Variants in ADAMTS9 observed in about 807,000 individuals in gnomAD.
ADAMTS9 encodes the protein A disintegrin and metalloproteinase with thrombospondin motifs 9.
Under a neutral mutation model 257.1 loss-of-function variants are expected in ADAMTS9, and 107 were observed. That is an observed-to-expected ratio of 0.42 (90% CI 0.36 to 0.49). The LOEUF (loss-of-function observed/expected upper bound fraction) is 0.49, where lower values mean the gene tolerates loss of function less well. Among genes scored for constraint, ADAMTS9 ranks in the 20% least tolerant of loss-of-function variants. The pLI, the probability that ADAMTS9 is intolerant of heterozygous loss-of-function variation, is 0.03. For missense variants in ADAMTS9, 2,353 were observed against 2,469.1 expected, an observed-to-expected ratio of 0.95 and a Z score of 1.00; for synonymous variants, 982 against 880.9, an observed-to-expected ratio of 1.11 and a Z score of -2.03.
intron 3 of ADAMTS9, among the ~76,000 whole-genome samples, chr3:64,660,215 T>C (rs1701190773): frequency 6.6e-6 from 1 of 152,204 alleles, no homozygotes; most frequent in Admixed American, 6.5e-5. Flanking sequence ...TATGCTTACC[T>C]AACACATAAG....
chr3:64,522,276 T>C lies in ADAMTS9; in HGVS notation c.5719-16A>G, dbSNP rs763155068. On this transcript the variant is annotated splice_polypyrimidine_tract_variant and intron_variant, in intron 38 of 39. Coordinates refer to ENST00000498707, the MANE Select transcript of ADAMTS9 (RefSeq NM_182920.2). ...GGGTACCATCCTGCAAGGAGATGCA[T>C]CATGTTAGCCTGCCTGCTTGGTTAA... 27 of 1,612,162 alleles carry C rather than the reference T, an allele frequency of 1.7e-5. No homozygotes were observed. The highest frequency in any genetic ancestry group is 2.3e-5 in the Non-Finnish European group (27 of 1,178,438).
chr3:64,572,733 G>T (rs771518662), intron 28 of ADAMTS9, among the ~76,000 whole-genome samples: 9 of 152,124 alleles, frequency 5.9e-5, no homozygotes, highest in Non-Finnish European at 8.8e-5. Context: ...ATGTACACAG[G>T]ATCTGGCCAG....
chr3:64,539,294 G>A lies in ADAMTS9; in HGVS notation c.5522C>T (p.Thr1841Ile). ...TGTCCTTGCAAACTGTAAGTCAGTG[G>A]CTGTGGGGTGGAGAAGGGGTTAAAG... Reference protein sequence around the residue: ...RIDLTSMQIITTDLQFARTSE... With the variant: ...RIDLTSMQIIITDLQFARTSE... Residue 1841 changes from threonine (T) to isoleucine (I), a missense_variant and splice_region_variant, in exon 37 of 40, where the codon ACC becomes ATC. Physicochemically the swap from Thr to Ile is moderately conservative, Grantham distance 89. This residue lies in a region of ADAMTS9 where 1,402 missense variants were observed against 1,441.4 expected (regional missense o/e 0.97). Transcript: ENST00000498707. 1 of 1,613,748 alleles carries A rather than the reference G, an allele frequency of 6.2e-7. No homozygotes were observed. The highest frequency in any genetic ancestry group is 8.5e-7 in the Non-Finnish European group (1 of 1,179,700).
At chr3:64,623,488 A>G (rs1700156308) in intron 16 of ADAMTS9, among the ~76,000 whole-genome samples, 1 of 152,192 alleles carries the variant, frequency 6.6e-6, no homozygotes, top group South Asian at 2.1e-4. Context: ...CATCTTGACT[A>G]CAACCTCATG....
intron 2 of ADAMTS9, chr3:64,685,436 T>A (rs1701874890): frequency 6.6e-6 from 1 of 152,240 alleles, no homozygotes; most frequent in African/African-American, 2.4e-5. Context: ...ACGACCCCAT[T>A]GCGCTTACAG....
At chr3:64,638,824 C>G (rs576608794) in intron 12 of ADAMTS9, among the ~76,000 whole-genome samples, 21 of 152,046 alleles carry the variant, frequency 1.4e-4, no homozygotes, top group Middle Eastern at 6.8e-3. Flanking sequence ...ACTATAAAGT[C>G]TCTGGATGCT....
chr3:64,616,615 C>T (rs959237033), intron 19 of ADAMTS9, among the ~76,000 whole-genome samples: 1 of 152,108 alleles, frequency 6.6e-6, no homozygotes, highest in East Asian at 1.9e-4. Context: ...TGTATCCATA[C>T]TACCTGTAAT....
chr3:64,553,987 A>G (rs17071017), intron 30 of ADAMTS9, among the ~76,000 whole-genome samples: 3,493 of 152,300 alleles, frequency 0.023, 126 homozygotes, highest in African/African-American at 0.079. Flanking sequence ...TGATGTGTAG[A>G]TATATGCAAA....
chr3:64,547,086 T>C, intron 31 of ADAMTS9, 134 bp from the exon 32 acceptor site: 1 of 802,698 alleles, frequency 1.2e-6, no homozygotes, highest in Non-Finnish European at 1.9e-6. Context: ...AGCTTATTTA[T>C]TCATTTCAAG....
intron 16 of ADAMTS9, 76 bp downstream of exon 16, chr3:64,631,379 A>C: frequency 4.2e-6 from 5 of 1,179,136 alleles, no homozygotes; most frequent in South Asian, 1.3e-5. Flanking sequence ...TCTGCATGCC[A>C]GAGAAGGAAG....
chr3:64,654,198 C>T (rs1350953486), intron 8 of ADAMTS9, among the ~76,000 whole-genome samples, 155 bp downstream of exon 8: 1 of 152,224 alleles, frequency 6.6e-6, no homozygotes, highest in East Asian at 1.9e-4. Context: ...AAAGTCATTT[C>T]ACCTAATTAG....
intron 30 of ADAMTS9, among the ~76,000 whole-genome samples, chr3:64,554,327 A>G (rs2083304817): frequency 6.6e-6 from 1 of 152,244 alleles, no homozygotes; most frequent in African/African-American, 2.4e-5. Flanking sequence ...AAATTAAACT[A>G]AGTAAATAAG....
intron 3 of ADAMTS9, among the ~76,000 whole-genome samples, chr3:64,672,423 C>T (rs1701515147): frequency 6.6e-6 from 1 of 152,174 alleles, no homozygotes. Context: ...TGGCTCATGC[C>T]TGTAATCCCA....
chr3:64,568,281 C>G (rs566596187), intron 29 of ADAMTS9, 87 bp downstream of exon 29: 3 of 1,463,212 alleles, frequency 2.1e-6, no homozygotes, highest in Non-Finnish European at 2.7e-6. Context: ...AAACCAAAAC[C>G]GTGCATAGAA....
chr3:64,637,067 C>A (rs1700518731), intron 12 of ADAMTS9, among the ~76,000 whole-genome samples: 1 of 152,088 alleles, frequency 6.6e-6, no homozygotes, highest in African/African-American at 2.4e-5. Context: ...AGTTGATTTG[C>A]TTTTATGTAA....
chr3:64,662,863 C>T (rs774888226), intron 3 of ADAMTS9, among the ~76,000 whole-genome samples: 1 of 152,098 alleles, frequency 6.6e-6, no homozygotes, highest in Non-Finnish European at 1.5e-5. Flanking sequence ...ATGACACCAC[C>T]AAGTGGAAAA....
chr3:64,657,918 G>A (rs1559814985), intron 4 of ADAMTS9, among the ~76,000 whole-genome samples: 1 of 152,110 alleles, frequency 6.6e-6, no homozygotes, highest in Non-Finnish European at 1.5e-5. Context: ...CAAAATGGGA[G>A]TAGAAAAATA....
chr3:64,570,905 T>C (rs1487408738), intron 28 of ADAMTS9, among the ~76,000 whole-genome samples: 1 of 151,968 alleles, frequency 6.6e-6, no homozygotes, highest in Non-Finnish European at 1.5e-5. Context: ...TTCTAGGAAA[T>C]GAGTTGAACT....
At chr3:64,544,081 A>G (rs2083164586) in intron 32 of ADAMTS9, among the ~76,000 whole-genome samples, 1 of 152,232 alleles carries the variant, frequency 6.6e-6, no homozygotes, top group Non-Finnish European at 1.5e-5. Flanking sequence ...CTCTTCAAGG[A>G]GAACTACAAA....
Sources: allele counts gnomAD v4.1 joint callset (sites outside exome capture counted in the v4.1 genomes callset), GRCh38; gene constraint gnomAD v4.1.1; regional missense constraint gnomAD v4.1.1; transcripts MANE v1.5; gene names NCBI Gene and HGNC (gene_info 2026-07-23, HGNC 2026-07-21).